CPA3: variants seen among roughly 807,000 people sequenced by gnomAD.
CPA3 encodes the protein mast cell carboxypeptidase A.
A neutral mutation model predicts 55.8 loss-of-function variants in CPA3; 52 were observed. The observed-to-expected ratio is 0.93, with a 90% CI of 0.75 to 1.17. CPA3 has a LOEUF of 1.17. Among genes scored for constraint, CPA3 ranks in the 50% most tolerant of loss-of-function variants. CPA3 has a pLI of 0.00. For missense variants in CPA3, 547 were observed against 509.1 expected (o/e 1.07, Z -0.72); for synonymous variants, 179 against 171.2 (o/e 1.05, Z -0.36).
intron 9 of CPA3, 77 bp downstream of exon 9, chr3:148,883,892 T>C: frequency 9.3e-7 from 1 of 1,077,304 alleles, no homozygotes; most frequent in Non-Finnish European, 1.4e-6. Context: ...AACTTGGGTA[T>C]GTTGAAAGAA....
At chr3:148,889,190 T>C (rs182114347) in intron 10 of CPA3, among the ~76,000 whole-genome samples, 1 of 152,312 alleles carries the variant, frequency 6.6e-6, no homozygotes, top group East Asian at 1.9e-4. Context: ...AAGCATCTGA[T>C]AGAATGTTAA....
In CPA3 at chr3:148,885,689, C is replaced by T. The variant is rs566335795; in HGVS notation, c.982-404C>T. The stretch of plus-strand genomic sequence containing the variant: ...CCTCCGCAAGTGCTGGGATTACAGG[C>T]GTGAGCCACCGTGCCCGGCCAAGTC... On this transcript the variant is annotated intron_variant, in intron 9 of 10. Coordinates refer to ENST00000296046, the MANE Select transcript of CPA3 (RefSeq NM_001870.4). Among the ~76,000 whole-genome samples, 64 of 152,154 alleles carry T rather than the reference C, an allele frequency of 4.2e-4. 1 individual carries two copies. The highest frequency in any genetic ancestry group is 8.5e-4 in the Admixed American group (13 of 15,286).
chr3:148,869,236 A>G (rs923743990), intron 3 of CPA3, among the ~76,000 whole-genome samples, 197 bp downstream of exon 3: 2 of 152,230 alleles, frequency 1.3e-5, no homozygotes, highest in African/African-American at 2.4e-5. Context: ...CAAACTTGGC[A>G]GTTCAACATC....
intron 3 of CPA3, among the ~76,000 whole-genome samples, chr3:148,875,065 A>G (rs1714170347): frequency 6.6e-6 from 1 of 152,212 alleles, no homozygotes; most frequent in South Asian, 2.1e-4. Flanking sequence ...ACATGTTCGT[A>G]TTATGTAGCT....
chr3:148,892,026 A>G (rs1714684913), intron 10 of CPA3, among the ~76,000 whole-genome samples: 1 of 140,662 alleles, frequency 7.1e-6, no homozygotes, highest in Non-Finnish European at 1.5e-5. Flanking sequence ...AATTACATGC[A>G]ATATTTGACC....
chr3:148,874,350 C>T (rs1714156223), intron 3 of CPA3, among the ~76,000 whole-genome samples: 1 of 152,192 alleles, frequency 6.6e-6, no homozygotes, highest in African/African-American at 2.4e-5. Context: ...CATAAAATTT[C>T]TCTTCTGCCT....
intron 5 of CPA3, among the ~76,000 whole-genome samples, 199 bp from the exon 6 acceptor site, chr3:148,879,589 G>T (rs750365730): frequency 6.6e-6 from 1 of 152,174 alleles, no homozygotes; most frequent in African/African-American, 2.4e-5. Flanking sequence ...AATATGCATT[G>T]TAATAGATTA....
At chr3:148,889,365 TTGA>T (rs1714610401) in intron 10 of CPA3, among the ~76,000 whole-genome samples, 1 of 152,198 alleles carries the variant, frequency 6.6e-6, no homozygotes, top group African/African-American at 2.4e-5. Context: ...TGTCTTCGAC[TTGA>T]TGAAGACAGA....
rs772039063 is a variant in CPA3 at position 148,883,858 on chromosome 3, T to C, written c.981+43T>C. ...TGCACTTCATGCATCGACAATACCA[T>C]TGACTTTCAGTCTGTTCTTCATTAA... On this transcript the variant is annotated intron_variant, in intron 9 of 10. Coordinates refer to ENST00000296046, the MANE Select transcript of CPA3 (RefSeq NM_001870.4). 3.4e-5 allele frequency: 48 copies of C among 1,406,140 alleles called. No homozygotes were observed. In the African/African-American group the frequency reaches 5.4e-4, roughly 16 times the overall value. The allele number at this position is 1,406,140 out of a possible 1,614,324, so 87.1% of individuals were successfully genotyped here.
chr3:148,889,040 G>C (rs1287934468), intron 10 of CPA3, among the ~76,000 whole-genome samples: 1 of 152,162 alleles, frequency 6.6e-6, no homozygotes, highest in African/African-American at 2.4e-5. Context: ...CTGTTTAACT[G>C]TGCAGCATTA....
At position 148,896,522 on chromosome 3, in the gene CPA3, C is replaced by A. The variant is rs1162768717; in HGVS notation, c.1069C>A (p.Pro357Thr). The change falls in exon 11 of 11, where the codon CCG becomes ACG. Residue 357 changes from proline to threonine, a missense_variant and splice_region_variant. By Grantham distance (38) the Pro-to-Thr change is conservative (BLOSUM62 -1). Coordinates refer to ENST00000296046, the MANE Select transcript of CPA3 (RefSeq NM_001870.4). ...IYGPIESTIYPISGSSLDWAY... is the reference protein window; with the variant it reads ...IYGPIESTIYTISGSSLDWAY... ...TATTTACTGCTTGTGTTTTACAGACCCGATATCAGGTTCTTCTTTAGACTG... is the reference window on the plus strand; with the variant it reads ...TATTTACTGCTTGTGTTTTACAGACACGATATCAGGTTCTTCTTTAGACTG... The A allele has an allele frequency of 6.6e-7, 1 of 1,510,242 alleles. No homozygotes were observed. The highest frequency in any genetic ancestry group is 1.8e-5 in the Admixed American group (1 of 56,866). 93.6% of individuals were successfully genotyped at this position (1,510,242 alleles called of 1,614,324 possible).
chr3:148,892,071 T>C (rs1714686251), intron 10 of CPA3, among the ~76,000 whole-genome samples: 1 of 152,168 alleles, frequency 6.6e-6, no homozygotes, highest in Non-Finnish European at 1.5e-5. Flanking sequence ...TTTGGCTTCC[T>C]TGACTTTGAA....
chr3:148,886,178 G>T lies in CPA3; in HGVS notation c.1066+1G>T. The T allele has an allele frequency of 2.5e-6, 4 of 1,597,006 alleles. No individual in the cohort carries two copies. The South Asian group carries it at 3.3e-5, about 13-fold the overall frequency. ...TATGGCCCAATAGAATCAACAATTT[G>T]TAAGTCATTCCTCTTATTTACTGAG... On this transcript the variant is annotated splice_donor_variant, in intron 10 of 10. Transcript: ENST00000296046. LOFTEE classifies it high-confidence loss of function.
At chr3:148,873,477 T>TG (rs756703818) in intron 3 of CPA3, among the ~76,000 whole-genome samples, 1 of 152,178 alleles carries the variant, frequency 6.6e-6, no homozygotes, top group Non-Finnish European at 1.5e-5. Flanking sequence ...CAGCAAAGGA[T>TG]GGGAGCCTTG....
chr3:148,873,394 C>A (rs1212796192), intron 3 of CPA3, among the ~76,000 whole-genome samples: 1 of 151,980 alleles, frequency 6.6e-6, no homozygotes, highest in East Asian at 1.9e-4. Flanking sequence ...CACACACACA[C>A]ACACACCCCA....
At chr3:148,878,901 G>A (rs548864291) in intron 5 of CPA3, among the ~76,000 whole-genome samples, 153 bp downstream of exon 5, 1 of 152,318 alleles carries the variant, frequency 6.6e-6, no homozygotes, top group South Asian at 2.1e-4. Flanking sequence ...GAATAGAAAT[G>A]ACAAGCGGTT....
chr3:148,865,355 T>A lies in CPA3; in HGVS notation c.48T>A (p.Ile16=), dbSNP rs768608818. The stretch of plus-strand genomic sequence containing the variant: ...GTTTGATTGCTACCACTCTTGCAAT[T>A]GCTCCTGTCCGCTTTGACAGGTAAA... ...PVGLIATTLA[I]APVRFDREKV... The change falls in exon 1 of 11, where the codon ATT becomes ATA. Residue 16 remains isoleucine, a synonymous_variant. Transcript: ENST00000296046. 4 of 1,614,152 alleles carry A rather than the reference T, an allele frequency of 2.5e-6. No homozygotes were observed. The East Asian group carries it at 8.9e-5, about 36-fold the overall frequency.
At chr3:148,874,264 G>T (rs919079252) in intron 3 of CPA3, among the ~76,000 whole-genome samples, 1 of 152,112 alleles carries the variant, frequency 6.6e-6, no homozygotes. Context: ...ATATGTGTAA[G>T]TCTAAAAATA....
At chr3:148,866,965 C>T (rs756507029) in intron 2 of CPA3, among the ~76,000 whole-genome samples, 3 of 151,976 alleles carry the variant, frequency 2.0e-5, no homozygotes, top group African/African-American at 4.8e-5. Context: ...CCATGTTGCC[C>T]AGCTGGTCTC....
Sources: gnomAD v4.1 joint callset for allele counts (sites outside exome capture counted in the v4.1 genomes callset) on GRCh38, gnomAD v4.1.1 for gene constraint, MANE v1.5 for transcripts, NCBI Gene and HGNC (gene_info 2026-07-23, HGNC 2026-07-21) for gene names.